Variants in STT3A observed in about 807,000 individuals in gnomAD.
STT3A encodes the protein dolichyl-diphosphooligosaccharide--protein glycosyltransferase subunit STT3A.
Under a neutral mutation model 89.2 loss-of-function variants are expected in STT3A, and 34 were observed. That is an observed-to-expected ratio of 0.38 (90% CI 0.29 to 0.51). The LOEUF (loss-of-function observed/expected upper bound fraction) is 0.51, where lower values mean the gene tolerates loss of function less well. Ranked by LOEUF, STT3A falls within the 20% of genes least tolerant of loss-of-function variation. The pLI is 0.89. For missense variants in STT3A, 555 were observed against 889.5 expected (o/e 0.62, Z 4.78); for synonymous variants, 282 against 310.3 (o/e 0.91, Z 0.96).
chr11:125,609,745 G>A, intron 10 of STT3A, 156 bp downstream of exon 10: 1 of 778,054 alleles, frequency 1.3e-6, no homozygotes, highest in East Asian at 2.9e-5. Context: ...GTATGAAGCT[G>A]AGCAGAAGTC....
At chr11:125,592,731 C>T (rs561182631), upstream of STT3A, 12 of 301,504 alleles carry the variant, frequency 4.0e-5, no homozygotes, top group East Asian at 1.9e-4. Flanking sequence ...TGAATCGCGG[C>T]CCGGTTTACG....
chr11:125,596,232 G>C (rs867679849), intron 2 of STT3A, among the ~76,000 whole-genome samples: 3 of 152,184 alleles, frequency 2.0e-5, no homozygotes, highest in Middle Eastern at 3.4e-3. Context: ...TGGGAGGCTG[G>C]GGTGGGTGGA....
intron 8 of STT3A, 106 bp downstream of exon 8, chr11:125,606,571 G>T (rs1282799492): frequency 7.9e-7 from 1 of 1,260,132 alleles, no homozygotes; most frequent in Non-Finnish European, 1.1e-6. Flanking sequence ...CTTATTCACA[G>T]CCTTTATATT....
intron 10 of STT3A, among the ~76,000 whole-genome samples, chr11:125,610,057 C>CTTT (rs66578574): frequency 1.3e-4 from 14 of 106,072 alleles, no homozygotes; most frequent in African/African-American, 1.7e-4. Context: ...TAACTTTTAC[C>CTTT]TTTTTTTTTT....
chr11:125,620,467 T>C (rs1368573996), intron 17 of STT3A, among the ~76,000 whole-genome samples: 3 of 152,212 alleles, frequency 2.0e-5, no homozygotes, highest in Admixed American at 6.5e-5. Flanking sequence ...TTCTTCTCTC[T>C]CTGAAGAACT....
chr11:125,615,866 G>A (rs984244329), intron 15 of STT3A, among the ~76,000 whole-genome samples: 1 of 151,986 alleles, frequency 6.6e-6, no homozygotes, highest in African/African-American at 2.4e-5. Context: ...ATGAAACCCC[G>A]TCTCTACTAA....
At chr11:125,608,045 G>C (rs1939887487) in intron 8 of STT3A, 64 bp from the exon 9 acceptor site, 6 of 1,491,800 alleles carry the variant, frequency 4.0e-6, no homozygotes, top group Middle Eastern at 2.4e-4. Context: ...GAATAATGCA[G>C]GCCTGCACTG....
rs1354546359 is a variant in STT3A, at chr11:125,622,068, T to C, written c.*1258T>C. ...ATTTAACTGGGAAGCACAGTGGTCC[T>C]TGAGGACATTTAATATCAGGACAAA... On this transcript the variant is annotated 3_prime_UTR_variant, in exon 18 of 18. Coordinates refer to ENST00000392708, the MANE Select transcript of STT3A (RefSeq NM_152713.5). 4 of 152,198 alleles carry C rather than the reference T, an allele frequency of 2.6e-5. No individual in the cohort carries two copies. Among genetic ancestry groups the C allele is most frequent in the South Asian group, 2.1e-4 (1 of 4,834 alleles). The allele number at this position is 152,198 out of a possible 1,614,324, so 9.4% of individuals were successfully genotyped here.
chr11:125,602,617 T>C lies in STT3A; in HGVS notation c.272-186T>C, dbSNP rs1300008399. On this transcript the variant is annotated intron_variant, in intron 4 of 17. Coordinates refer to ENST00000392708, the MANE Select transcript of STT3A (RefSeq NM_152713.5). Reference sequence around the variant, plus strand: ...GTAGAGTGGAGATGGGTGGTTTTTATACATTCTAGACTTCTGATTGAATCC... The same window carrying C: ...GTAGAGTGGAGATGGGTGGTTTTTACACATTCTAGACTTCTGATTGAATCC... The C allele has an allele frequency of 3.8e-6, 4 of 1,063,334 alleles. No homozygotes were observed. The East Asian group carries it at 1.0e-4, about 28-fold the overall frequency. 65.9% of individuals were successfully genotyped at this position (1,063,334 alleles called of 1,614,324 possible).
At position 125,605,718 on chromosome 11, in the gene STT3A, C is replaced by G; in HGVS notation, c.598C>G (p.Leu200Val). The G allele has an allele frequency of 6.2e-7, 1 of 1,613,540 alleles. No homozygotes were observed. The highest frequency in any genetic ancestry group is 8.5e-7 in the Non-Finnish European group (1 of 1,179,720). Residue 200 changes from leucine to valine, a missense_variant, in exon 7 of 18, where the codon CTT becomes GTT. Coordinates refer to ENST00000392708, the MANE Select transcript of STT3A (RefSeq NM_152713.5). ...GSICWAAKCALAYFYMVSSWG... is the reference protein window; with the variant it reads ...GSICWAAKCAVAYFYMVSSWG... Reference sequence around the variant, plus strand: ...CATCTGTTGGGCAGCTAAGTGTGCCCTTGCTTATTTCTACATGGTAACTTT... The same window carrying G: ...CATCTGTTGGGCAGCTAAGTGTGCCGTTGCTTATTTCTACATGGTAACTTT...
intron 16 of STT3A, among the ~76,000 whole-genome samples, chr11:125,619,613 T>G (rs1457982834): frequency 6.6e-6 from 1 of 152,200 alleles, no homozygotes; most frequent in Non-Finnish European, 1.5e-5. Context: ...CCTTCTGACT[T>G]CAATTTCTTG....
intron 11 of STT3A, among the ~76,000 whole-genome samples, chr11:125,611,811 T>C (rs1274111888): frequency 6.6e-6 from 1 of 151,558 alleles, no homozygotes; most frequent in Non-Finnish European, 1.5e-5. Context: ...TATTTTTTTC[T>C]TGAAGGCTTG....
chr11:125,618,608 T>TG, intron 16 of STT3A, 47 bp downstream of exon 16: 1 of 1,565,914 alleles, frequency 6.4e-7, no homozygotes, highest in Non-Finnish European at 8.7e-7. Context: ...TAATAGTGAT[T>TG]ACTAATACAC....
chr11:125,596,958 G>A, intron 2 of STT3A, 101 bp from the exon 3 acceptor site: 1 of 1,247,512 alleles, frequency 8.0e-7, no homozygotes, highest in Non-Finnish European at 1.2e-6. Context: ...TATATTTTCT[G>A]TGACCTCTCT....
chr11:125,610,398 T>C (rs1039248417), intron 10 of STT3A, among the ~76,000 whole-genome samples: 2 of 152,154 alleles, frequency 1.3e-5, no homozygotes, highest in African/African-American at 4.8e-5. Flanking sequence ...GAAAGTAATT[T>C]GTGTATTGTA....
rs1357165903 is a variant in STT3A at position 125,618,422 on chromosome 11, A to C, written c.1824A>C (p.Thr608=). 3.1e-6 allele frequency: 5 copies of C among 1,613,624 alleles called. No individual in the cohort carries two copies. The Admixed American group carries it at 6.7e-5, about 22-fold the overall frequency. ...TCCGGATTGGAGGGAGCACAGATAC[A>C]GGCAAACATATCAAGGAGAATGACT... ...WMVRIGGSTD[T]GKHIKENDYY... The change falls in exon 16 of 18, where the codon ACA becomes ACC. Residue 608 remains threonine, a synonymous_variant. Coordinates refer to ENST00000392708, the MANE Select transcript of STT3A (RefSeq NM_152713.5).
chr11:125,601,231 G>A (rs1239259626), intron 3 of STT3A, among the ~76,000 whole-genome samples: 1 of 152,154 alleles, frequency 6.6e-6, no homozygotes, highest in East Asian at 1.9e-4. Flanking sequence ...TGCATATGAT[G>A]GTATACCAAC....
At chr11:125,592,636 C>G, upstream of STT3A, 1 of 386,724 alleles carries the variant, frequency 2.6e-6, no homozygotes, top group South Asian at 1.9e-5. Context: ...TTGACTCCTA[C>G]GCGCCGGCCT....
chr11:125,612,736 A>G lies in STT3A; in HGVS notation c.1354A>G (p.Ile452Val). The G allele has an allele frequency of 1.2e-6, 2 of 1,613,918 alleles. No individual in the cohort carries two copies. Among genetic ancestry groups the G allele is most frequent in the Non-Finnish European group, 1.7e-6 (2 of 1,179,934 alleles). The change falls in exon 12 of 18, where the codon ATT becomes GTT. Residue 452 changes from isoleucine (I) to valine (V), a missense_variant. Transcript: ENST00000392708. ...GAAGCAACAGGATTCCACCTACCCT[A>G]TTAAGAATGAAGTGAGAAGCAATGT... ...SKKQQDSTYP[I>V]KNEVASGMIL...
Sources: gnomAD v4.1 joint callset for allele counts (sites outside exome capture counted in the v4.1 genomes callset) on GRCh38, gnomAD v4.1.1 for gene constraint, MANE v1.5 for transcripts, NCBI Gene and HGNC (gene_info 2026-07-23, HGNC 2026-07-21) for gene names.